The following RELL1 variants were observed in gnomAD, a reference collection of about 807,000 sequenced individuals.
The protein encoded by RELL1 is RELT like 1.
RELL1 carries 10 observed loss-of-function variants against 23.0 expected under a neutral mutation model. The ratio of observed to expected loss-of-function variants is 0.43; its 90% CI spans 0.27 to 0.74. RELL1 has a LOEUF of 0.74. Ranked by LOEUF, RELL1 falls within the 30% of genes least tolerant of loss-of-function variation. The pLI, the probability that RELL1 is intolerant of heterozygous loss-of-function variation, is 0.19. For missense variants in RELL1, 315 were observed against 364.4 expected (o/e 0.86, Z 1.10); for synonymous variants, 146 against 146.8 (o/e 0.99, Z 0.04).
chr4:37,619,594 G>GTC (rs1719700751), intron 6 of RELL1, among the ~76,000 whole-genome samples: 2 of 151,996 alleles, frequency 1.3e-5, no homozygotes, highest in African/African-American at 4.8e-5. Flanking sequence ...TCTCTGCAGA[G>GTC]TCTCTCTCTG....
intron 1 of RELL1, among the ~76,000 whole-genome samples, chr4:37,656,695 G>A (rs1211885044): frequency 6.6e-6 from 1 of 152,264 alleles, no homozygotes; most frequent in African/African-American, 2.4e-5. Context: ...TCTCACAGAA[G>A]TGAGTTAGTT....
At chr4:37,674,930 A>G (rs947978626) in intron 1 of RELL1, among the ~76,000 whole-genome samples, 5 of 152,242 alleles carry the variant, frequency 3.3e-5, no homozygotes, top group Admixed American at 1.3e-4. Flanking sequence ...TAAGTCTTCA[A>G]CCATGCAGCA....
chr4:37,653,531 C>G (rs1037803231), intron 1 of RELL1, among the ~76,000 whole-genome samples: 3 of 152,104 alleles, frequency 2.0e-5, no homozygotes, highest in African/African-American at 4.8e-5. Flanking sequence ...GATTTGAGAT[C>G]CTTTTCTCTG....
At chr4:37,686,030 A>C (rs534016885) in intron 1 of RELL1, among the ~76,000 whole-genome samples, 170 bp downstream of exon 1, 37 of 152,238 alleles carry the variant, frequency 2.4e-4, no homozygotes, top group African/African-American at 8.2e-4. Flanking sequence ...GTTGCCACGC[A>C]CCGCGCCCTG....
chr4:37,600,501 C>A (rs1054116054), intron 6 of RELL1, among the ~76,000 whole-genome samples: 5 of 152,102 alleles, frequency 3.3e-5, no homozygotes, highest in African/African-American at 9.7e-5. Context: ...GGGGGCACTT[C>A]AATTTTAGTG....
At chr4:37,602,051 G>C (rs1489833028) in intron 6 of RELL1, among the ~76,000 whole-genome samples, 1 of 151,902 alleles carries the variant, frequency 6.6e-6, no homozygotes, top group East Asian at 1.9e-4. Flanking sequence ...CTGTCTCTTT[G>C]AAAAATACAA....
chr4:37,681,514 T>C (rs1217728670), intron 1 of RELL1, among the ~76,000 whole-genome samples: 2 of 138,042 alleles, frequency 1.4e-5, no homozygotes, highest in East Asian at 2.2e-4. Flanking sequence ...CAGGGTCTCC[T>C]TCTGTTTTTT....
rs1395248023 is a variant in RELL1, at chr4:37,593,330, G to GTATCAATGACCCACA, written c.*4-2128_*4-2114dup. On this transcript the variant is annotated intron_variant, in intron 6 of 6. Coordinates refer to the RELL1 transcript ENST00000314117. Reference sequence around the variant, plus strand: ...GGTAGAGAATGTATCACTGGCCCGTGTATCAATGACCCACATATCAATGAC... The same window carrying GTATCAATGACCCACA: ...GGTAGAGAATGTATCACTGGCCCGTGTATCAATGACCCACATATCAATGACCCACATATCAATGAC... 8.8e-4 allele frequency among the ~76,000 whole-genome samples: 134 copies of GTATCAATGACCCACA among 152,186 alleles called. No homozygotes were observed. In the East Asian group the frequency reaches 0.025, roughly 28 times the overall value.
chr4:37,630,392 T>A (rs1410129796), intron 6 of RELL1, among the ~76,000 whole-genome samples: 62 of 121,428 alleles, frequency 5.1e-4, no homozygotes, highest in African/African-American at 1.8e-3. Flanking sequence ...TGAGACCGAG[T>A]CTCGCTCTGT....
At chr4:37,588,761 G>A (rs147669769), downstream of RELL1, 6 of 948,132 alleles carry the variant, frequency 6.3e-6, no homozygotes, top group African/African-American at 6.5e-5. Flanking sequence ...TACATTTTGA[G>A]TCTCTAGGGA....
intron 1 of RELL1, among the ~76,000 whole-genome samples, chr4:37,678,106 C>G (rs1205514996): frequency 6.6e-6 from 1 of 152,116 alleles, no homozygotes; most frequent in Non-Finnish European, 1.5e-5. Flanking sequence ...AGCTTCCAGT[C>G]ATGGCAGAAG....
At chr4:37,604,850 C>G (rs757948643) in intron 6 of RELL1, among the ~76,000 whole-genome samples, 13,998 of 89,162 alleles carry the variant, frequency 0.16, 1,185 homozygotes, top group East Asian at 0.4. Context: ...GACACACACA[C>G]AGACACACAC....
chr4:37,634,329 C>T (rs1720240433), intron 5 of RELL1, among the ~76,000 whole-genome samples: 1 of 152,258 alleles, frequency 6.6e-6, no homozygotes, highest in South Asian at 2.1e-4. Context: ...TTCTCCCTTC[C>T]CTTGCACATG....
intron 1 of RELL1, among the ~76,000 whole-genome samples, chr4:37,656,599 C>T (rs978169929): frequency 6.6e-6 from 1 of 152,162 alleles, no homozygotes; most frequent in Non-Finnish European, 1.5e-5. Context: ...ATTTGGTCCC[C>T]AATGTAACAG....
intron 6 of RELL1, among the ~76,000 whole-genome samples, chr4:37,619,090 G>A (rs768400691): frequency 6.6e-6 from 1 of 151,996 alleles, no homozygotes; most frequent in African/African-American, 2.4e-5. Flanking sequence ...TGTTAGTCAG[G>A]CTGGTCTTGA....
At chr4:37,633,764 C>T (rs1374719729) in intron 5 of RELL1, among the ~76,000 whole-genome samples, 1 of 151,824 alleles carries the variant, frequency 6.6e-6, no homozygotes, top group Non-Finnish European at 1.5e-5. Context: ...GTCACCTCAC[C>T]TAGTCTACAC....
At chr4:37,613,881 A>C (rs1719488456) in intron 6 of RELL1, among the ~76,000 whole-genome samples, 1 of 152,234 alleles carries the variant, frequency 6.6e-6, no homozygotes, top group Non-Finnish European at 1.5e-5. Context: ...CTGCTTTTCA[A>C]ATGACTTTCT....
At chr4:37,595,414 C>T (rs1010977762) in intron 6 of RELL1, among the ~76,000 whole-genome samples, 5 of 152,046 alleles carry the variant, frequency 3.3e-5, no homozygotes, top group African/African-American at 7.2e-5. Context: ...TAAAAAAATG[C>T]GTTTGGCCTG....
At chr4:37,685,956 C>A (rs1311113623) in intron 1 of RELL1, among the ~76,000 whole-genome samples, 3 of 152,232 alleles carry the variant, frequency 2.0e-5, no homozygotes, top group Non-Finnish European at 1.5e-5. Flanking sequence ...AACACAGATC[C>A]TCGGAGGAGG....
Sources: gnomAD v4.1 joint callset for allele counts (sites outside exome capture counted in the v4.1 genomes callset) on GRCh38, gnomAD v4.1.1 for gene constraint, MANE v1.5 for transcripts, NCBI Gene and HGNC (gene_info 2026-07-23, HGNC 2026-07-21) for gene names.